Variants in TMEM131 observed in about 807,000 individuals in gnomAD.
The protein encoded by TMEM131 is transmembrane protein 131.
A neutral mutation model predicts 211.6 loss-of-function variants in TMEM131; 66 were observed. The ratio of observed to expected loss-of-function variants is 0.31; its 90% confidence interval spans 0.26 to 0.38. TMEM131 has a LOEUF of 0.38. TMEM131 is among the 10% of genes least tolerant of loss of function. The pLI, the probability that TMEM131 is intolerant of heterozygous loss-of-function variation, is 1.00. For synonymous variants in TMEM131, 844 were observed against 841.3 expected (o/e 1.00, Z -0.06); for missense variants, 2,036 against 2,299.3 (o/e 0.89, Z 2.34).
intron 35 of TMEM131, chr2:97,764,410 TC>T (rs1258458106): frequency 6.6e-6 from 1 of 152,402 alleles, no homozygotes; most frequent in Non-Finnish European, 1.5e-5. Context: ...ATATTCTCTA[TC>T]GAGTGGAGCT....
chr2:97,929,900 T>C (rs191903287), intron 1 of TMEM131, among the ~76,000 whole-genome samples: 2 of 151,924 alleles, frequency 1.3e-5, no homozygotes, highest in Non-Finnish European at 2.9e-5. Context: ...AGATCAGAGC[T>C]AATGGCTCCA....
At chr2:97,825,786 A>G (rs969923348) in intron 11 of TMEM131, among the ~76,000 whole-genome samples, 2 of 152,216 alleles carry the variant, frequency 1.3e-5, no homozygotes, top group East Asian at 3.8e-4. Context: ...GGCTGGCCTC[A>G]CTGTTTATGA....
intron 3 of TMEM131, among the ~76,000 whole-genome samples, chr2:97,903,539 T>A (rs1428714076): frequency 6.6e-6 from 1 of 152,104 alleles, no homozygotes; most frequent in Non-Finnish European, 1.5e-5. Context: ...TTATGAATTA[T>A]AAGAGAAAAA....
intron 5 of TMEM131, among the ~76,000 whole-genome samples, chr2:97,845,759 C>CAAA (rs59502408): frequency 0.03 from 3,676 of 122,030 alleles, 144 homozygotes; most frequent in African/African-American, 0.096. Flanking sequence ...CAGAAAGTAG[C>CAAA]AAAAAAAAAA....
At chr2:97,767,354 T>A (rs1679221450) in intron 33 of TMEM131, among the ~76,000 whole-genome samples, 1 of 152,110 alleles carries the variant, frequency 6.6e-6, no homozygotes, top group South Asian at 2.1e-4. Context: ...AAAGAATGAA[T>A]CTCTGAGAGA....
intron 1 of TMEM131, among the ~76,000 whole-genome samples, chr2:97,953,451 A>G (rs1198077108): frequency 6.6e-6 from 1 of 152,252 alleles, no homozygotes; most frequent in African/African-American, 2.4e-5. Context: ...AAGACATTAC[A>G]TAACGATACT....
chr2:97,924,554 T>C (rs1676898886), intron 2 of TMEM131, among the ~76,000 whole-genome samples: 1 of 152,206 alleles, frequency 6.6e-6, no homozygotes, highest in Non-Finnish European at 1.5e-5. Context: ...ACCTGGCCCC[T>C]GTCCCCACCA....
chr2:97,871,943 G>A (rs564302537), intron 4 of TMEM131, among the ~76,000 whole-genome samples: 3 of 151,888 alleles, frequency 2.0e-5, no homozygotes, highest in Non-Finnish European at 2.9e-5. Flanking sequence ...ATGGGGTCGG[G>A]GGGGGAGTGG....
intron 1 of TMEM131, among the ~76,000 whole-genome samples, chr2:97,985,997 A>G (rs1339941788): frequency 5.3e-5 from 8 of 152,122 alleles, no homozygotes; most frequent in Non-Finnish European, 1.2e-4. Flanking sequence ...ATAGAAAATA[A>G]AAAATTCAAA....
chr2:97,946,643 G>A (rs1678057265), intron 1 of TMEM131, among the ~76,000 whole-genome samples: 2 of 151,704 alleles, frequency 1.3e-5, no homozygotes, highest in Non-Finnish European at 2.9e-5. Context: ...ATTTAACGAT[G>A]AGTTCTCCCA....
intron 40 of TMEM131, among the ~76,000 whole-genome samples, chr2:97,758,267 G>C (rs1678615614): frequency 6.6e-6 from 1 of 152,184 alleles, no homozygotes; most frequent in Non-Finnish European, 1.5e-5. Flanking sequence ...ATAAAACCTT[G>C]CATGTTTAGT....
chr2:97,963,186 A>G (rs777286549), intron 1 of TMEM131, among the ~76,000 whole-genome samples: 2 of 152,248 alleles, frequency 1.3e-5, no homozygotes, highest in African/African-American at 2.4e-5. Flanking sequence ...TGGCTAAAAC[A>G]TAAAGGAAAG....
chr2:97,833,496 A>C, intron 10 of TMEM131, 70 bp from the exon 11 acceptor site: 1 of 692,712 alleles, frequency 1.4e-6, no homozygotes, highest in East Asian at 3.0e-5. Context: ...TCTTTACCTT[A>C]TAAGATATCA....
intron 17 of TMEM131, among the ~76,000 whole-genome samples, chr2:97,811,535 G>A (rs1681548109): frequency 6.6e-6 from 1 of 152,154 alleles, no homozygotes; most frequent in Non-Finnish European, 1.5e-5. Flanking sequence ...AAAGGGGCTG[G>A]AGCAGAGGGA....
At chr2:97,787,753 C>G (rs1384615719) in intron 31 of TMEM131, among the ~76,000 whole-genome samples, 1 of 152,154 alleles carries the variant, frequency 6.6e-6, no homozygotes, top group African/African-American at 2.4e-5. Context: ...ATTCTGAATT[C>G]TCAAACACAC....
chr2:97,942,977 A>G (rs1236931091), intron 1 of TMEM131, among the ~76,000 whole-genome samples: 4 of 36,988 alleles, frequency 1.1e-4, no homozygotes, highest in African/African-American at 6.5e-4. Flanking sequence ...AGAAAGAAAG[A>G]AAGAAAGAAA....
At chr2:97,965,716 A>G (rs1679028225) in intron 1 of TMEM131, among the ~76,000 whole-genome samples, 1 of 88,350 alleles carries the variant, frequency 1.1e-5, no homozygotes, top group South Asian at 2.6e-4. Flanking sequence ...GGAATGTGTA[A>G]TGAAAATTAC....
chr2:97,816,784 A>C lies in TMEM131; in HGVS notation c.1184-1477T>G, dbSNP rs201846126. Among the ~76,000 whole-genome samples the C allele has an allele frequency of 4.6e-5, 7 of 152,370 alleles. No individual in the cohort carries two copies. In the East Asian group the frequency reaches 1.3e-3, roughly 29 times the overall value. ...GCAAATAAAGTGGTCAAAAAGCTCA[A>C]GAAAATTCTGTTGAAAATCATGAAG... On this transcript the variant is annotated intron_variant, in intron 12 of 40. Coordinates refer to ENST00000186436, the MANE Select transcript of TMEM131 (RefSeq NM_015348.2).
chr2:97,978,165 T>TCTCTTTCTCTTTCTCA (rs1679627202), intron 1 of TMEM131, among the ~76,000 whole-genome samples: 1 of 152,176 alleles, frequency 6.6e-6, no homozygotes, highest in Non-Finnish European at 1.5e-5. Flanking sequence ...GATTTCTCTG[T>TCTCTTTCTCTTTCTCA]AGCATGCAAT....
Sources: allele counts gnomAD v4.1 joint callset (sites outside exome capture counted in the v4.1 genomes callset), GRCh38; gene constraint gnomAD v4.1.1; transcripts MANE v1.5; gene names NCBI Gene and HGNC (gene_info 2026-07-23, HGNC 2026-07-21).